Variants in ZC3H12B observed in about 807,000 individuals in gnomAD.
ZC3H12B encodes the protein probable ribonuclease ZC3H12B.
A neutral mutation model predicts 43.9 loss-of-function variants in ZC3H12B; 7 were observed. The observed-to-expected ratio is 0.16, with a 90% CI of 0.09 to 0.30. The LOEUF (loss-of-function observed/expected upper bound fraction) is 0.30, where lower values mean the gene tolerates loss of function less well. Ranked by LOEUF, ZC3H12B falls within the 10% of genes least tolerant of loss-of-function variation. ZC3H12B has a pLI of 1.00. For synonymous variants in ZC3H12B, 222 were observed against 241.7 expected, an observed-to-expected ratio of 0.92 and a Z score of 0.76; for missense variants, 475 against 670.2, an observed-to-expected ratio of 0.71 and a Z score of 3.22.
At chrX:65,120,819 T>C in the ZC3H12B span, among the ~76,000 whole-genome samples, 2 of 111,635 alleles carry the variant, frequency 1.8e-5, no homozygotes, top group African/African-American at 6.5e-5. Context: ...TTGAGATACG[T>C]CTCATCAATA....
chrX:65,434,847 C>A (rs1367877184), intron 3 of ZC3H12B, among the ~76,000 whole-genome samples: 1 of 111,187 alleles, frequency 9.0e-6, no homozygotes, highest in Non-Finnish European at 1.9e-5. Flanking sequence ...GCAGTTAGAT[C>A]CCTCAGGCAG....
At chrX:65,326,471 T>C in the ZC3H12B span, among the ~76,000 whole-genome samples, 1 of 109,806 alleles carries the variant, frequency 9.1e-6, no homozygotes, top group African/African-American at 3.3e-5. Flanking sequence ...CTCATGAAGA[T>C]AGAGAGCAGA....
chrX:65,248,824 G>C, the ZC3H12B span, among the ~76,000 whole-genome samples: 1 of 111,505 alleles, frequency 9.0e-6, no homozygotes, highest in Admixed American at 9.5e-5. Context: ...ACATTTCCCT[G>C]ATCATTAGTG....
At chrX:65,277,034 T>C in the ZC3H12B span, among the ~76,000 whole-genome samples, 1 of 111,809 alleles carries the variant, frequency 8.9e-6, no homozygotes, top group Non-Finnish European at 1.9e-5. Context: ...AAAAAGGTAC[T>C]ACATGCAAAC....
At chrX:65,399,547 A>T (rs1320290347) in intron 3 of ZC3H12B, among the ~76,000 whole-genome samples, 1 of 112,065 alleles carries the variant, frequency 8.9e-6, no homozygotes, top group Non-Finnish European at 1.9e-5. Context: ...GCTGGCGAGA[A>T]TGTGGAGAAA....
the ZC3H12B span, among the ~76,000 whole-genome samples, chrX:65,116,415 T>G: frequency 9.0e-6 from 1 of 111,415 alleles, no homozygotes; most frequent in Non-Finnish European, 1.9e-5. Flanking sequence ...ATGTGCCTAT[T>G]TTTATACCAA....
intron 2 of ZC3H12B, among the ~76,000 whole-genome samples, chrX:65,395,641 T>A (rs1226231273): frequency 9.0e-6 from 1 of 110,994 alleles, no homozygotes; most frequent in African/African-American, 3.3e-5. Context: ...TTGGCCTGAG[T>A]TTTTTTTGTT....
At chrX:65,095,655 T>C in the ZC3H12B span, among the ~76,000 whole-genome samples, 1 of 111,862 alleles carries the variant, frequency 8.9e-6, no homozygotes, top group African/African-American at 3.2e-5. Context: ...TGGAAATATG[T>C]CAGAGCATTC....
At chrX:65,207,765 G>C in the ZC3H12B span, among the ~76,000 whole-genome samples, 108 of 69,873 alleles carry the variant, frequency 1.5e-3, no homozygotes, top group African/African-American at 5.9e-3. Context: ...AATTACCTTG[G>C]GCAGTATGGC....
At chrX:65,083,282 A>G in the ZC3H12B span, among the ~76,000 whole-genome samples, 1 of 111,732 alleles carries the variant, frequency 8.9e-6, no homozygotes, top group African/African-American at 3.3e-5. Flanking sequence ...CAAGAGAAAG[A>G]TATAAAGGGC....
chrX:65,267,258 C>T, the ZC3H12B span, among the ~76,000 whole-genome samples: 1 of 102,692 alleles, frequency 9.7e-6, no homozygotes, highest in Non-Finnish European at 1.9e-5. Context: ...CACTAGCTGG[C>T]TGCTAAGCTG....
At chrX:65,296,815 G>T in the ZC3H12B span, among the ~76,000 whole-genome samples, 3 of 111,396 alleles carry the variant, frequency 2.7e-5, no homozygotes, top group Non-Finnish European at 3.8e-5. Flanking sequence ...CCATGATCAA[G>T]TGGGTTTCAT....
At chrX:65,213,130 G>T in the ZC3H12B span, among the ~76,000 whole-genome samples, 10 of 106,155 alleles carry the variant, frequency 9.4e-5, no homozygotes, top group African/African-American at 3.4e-4. Flanking sequence ...TATTTTTTCT[G>T]TGCATATATT....
intron 3 of ZC3H12B, among the ~76,000 whole-genome samples, chrX:65,442,460 C>G (rs2067314395): frequency 9.0e-6 from 1 of 111,039 alleles, no homozygotes; most frequent in East Asian, 2.9e-4. Context: ...GCTCACTCCT[C>G]TAAGCCGTTC....
At chrX:65,458,062 T>TAAAAAAAAAAAAAAAAAAAAAATAAA (rs56840636) in intron 3 of ZC3H12B, among the ~76,000 whole-genome samples, 1 of 15,873 alleles carries the variant, frequency 6.3e-5, no homozygotes, top group Non-Finnish European at 1.1e-4. Flanking sequence ...GAATGATCAA[T>TAAAAAAAAAAAAAAAAAAAAAATAAA]AAAAAAAAAA....
At chrX:65,253,720 G>A in the ZC3H12B span, among the ~76,000 whole-genome samples, 1 of 111,823 alleles carries the variant, frequency 8.9e-6, no homozygotes, top group Non-Finnish European at 1.9e-5. Context: ...TGCCTGCCAA[G>A]GGCCCGCATC....
At chrX:65,112,003 C>T in the ZC3H12B span, among the ~76,000 whole-genome samples, 2 of 112,119 alleles carry the variant, frequency 1.8e-5, no homozygotes, top group Non-Finnish European at 3.8e-5. Context: ...CCAAGATAGT[C>T]TGAAAACAGG....
chrX:65,212,792 A>T, the ZC3H12B span, among the ~76,000 whole-genome samples: 1 of 101,873 alleles, frequency 9.8e-6, no homozygotes, highest in Non-Finnish European at 2.0e-5. Flanking sequence ...TATTAGCTCT[A>T]TGAGAACATC....
At chrX:65,129,731 G>A in the ZC3H12B span, among the ~76,000 whole-genome samples, 3 of 110,645 alleles carry the variant, frequency 2.7e-5, no homozygotes, top group Non-Finnish European at 5.7e-5. Flanking sequence ...ACATAAAATA[G>A]TGTTGAAGTG....
Sources: gnomAD v4.1 joint callset for allele counts (sites outside exome capture counted in the v4.1 genomes callset) on GRCh38, gnomAD v4.1.1 for gene constraint, MANE v1.5 for transcripts, NCBI Gene and HGNC (gene_info 2026-07-23, HGNC 2026-07-21) for gene names.